OGDH: variants seen among roughly 807,000 people sequenced by gnomAD.
The protein encoded by OGDH is 2-oxoglutarate dehydrogenase complex component E1.
Under a neutral mutation model 116.6 loss-of-function variants are expected in OGDH, and 38 were observed. The ratio of observed to expected loss-of-function variants is 0.33; its 90% CI spans 0.25 to 0.43. The LOEUF (loss-of-function observed/expected upper bound fraction) is 0.43. OGDH is among the 20% of genes least tolerant of loss of function. The pLI, the probability that OGDH is intolerant of heterozygous loss-of-function variation, is 1.00. For missense variants in OGDH, 825 were observed against 1,357.2 expected, an observed-to-expected ratio of 0.61 and a Z score of 6.16; for synonymous variants, 488 against 533.3, an observed-to-expected ratio of 0.92 and a Z score of 1.17.
chr7:44,704,996 G>A (rs1222316429), intron 20 of OGDH, among the ~76,000 whole-genome samples: 1 of 146,378 alleles, frequency 6.8e-6, no homozygotes, highest in East Asian at 2.1e-4. Context: ...CAGGCGTGAG[G>A]CACTGCACCT....
chr7:44,620,476 A>C (rs762735775), intron 1 of OGDH, among the ~76,000 whole-genome samples: 1 of 152,262 alleles, frequency 6.6e-6, no homozygotes, highest in Non-Finnish European at 1.5e-5. Context: ...TTTGTCTCTT[A>C]CATTCAGGTC....
At chr7:44,642,715 A>G (rs922581011) in intron 2 of OGDH, among the ~76,000 whole-genome samples, 2 of 152,126 alleles carry the variant, frequency 1.3e-5, no homozygotes, top group African/African-American at 4.8e-5. Flanking sequence ...CAAGGTCAGG[A>G]GTTCGAGACC....
chr7:44,680,904 A>G (rs965938603), intron 9 of OGDH, among the ~76,000 whole-genome samples: 11 of 152,248 alleles, frequency 7.2e-5, no homozygotes, highest in South Asian at 6.2e-4. Flanking sequence ...CAGTGTGAGC[A>G]TTAAAATAAC....
At chr7:44,681,993 T>A in intron 10 of OGDH, 145 bp downstream of exon 10, 1 of 1,113,972 alleles carries the variant, frequency 9.0e-7, no homozygotes, top group South Asian at 1.6e-5. Context: ...ACGCCTGTAA[T>A]CGTAGCACTT....
chr7:44,651,879 T>G (rs887045977), intron 4 of OGDH, among the ~76,000 whole-genome samples: 3 of 151,108 alleles, frequency 2.0e-5, no homozygotes, highest in African/African-American at 7.3e-5. Flanking sequence ...TTTCTAAAAT[T>G]TAAGTAGAGA....
At chr7:44,678,414 G>A (rs1385696027) in intron 9 of OGDH, among the ~76,000 whole-genome samples, 1 of 152,106 alleles carries the variant, frequency 6.6e-6, no homozygotes, top group Non-Finnish European at 1.5e-5. Context: ...TCATAATGCT[G>A]GAAATTTCCC....
intron 2 of OGDH, among the ~76,000 whole-genome samples, chr7:44,636,200 C>T (rs1310512767): frequency 2.0e-5 from 3 of 152,224 alleles, no homozygotes; most frequent in Admixed American, 2.0e-4. Flanking sequence ...TGTGAGTGGG[C>T]ACTGGGGGGC....
rs770424407 is a variant in OGDH at position 44,666,828 on chromosome 7, C to T, written c.610C>T (p.Arg204Trp). 59 of 1,610,402 alleles carry T rather than the reference C, an allele frequency of 3.7e-5. No individual in the cohort carries two copies. The highest frequency in any genetic ancestry group is 2.7e-4 in the South Asian group (24 of 90,560). ...GGGACAGGAATCAGCACTTCCTCTG[C>T]GGGAGATCATCCGTCGGCTGGAGGT... ...IGGQESALPL[R>W]EIIRRLEMAY... The change falls in exon 5 of 23, where the codon CGG becomes TGG. Residue 204 changes from arginine (R) to tryptophan (W), a missense_variant. By Grantham distance (101) the Arg-to-Trp change is moderately radical. Transcript: ENST00000222673.
intron 1 of OGDH, among the ~76,000 whole-genome samples, chr7:44,612,521 C>A (rs1460297913): frequency 4.0e-5 from 6 of 151,648 alleles, no homozygotes; most frequent in African/African-American, 1.2e-4. Context: ...GTAGGTGGGA[C>A]TACAGGCATG....
intron 1 of OGDH, among the ~76,000 whole-genome samples, chr7:44,613,245 G>A (rs1455832914): frequency 1.3e-5 from 2 of 151,876 alleles, no homozygotes; most frequent in Non-Finnish European, 2.9e-5. Flanking sequence ...TTGTGATCTC[G>A]GCTCACTGCA....
At chr7:44,685,263 C>T (rs191056786) in intron 10 of OGDH, among the ~76,000 whole-genome samples, 12 of 152,242 alleles carry the variant, frequency 7.9e-5, no homozygotes, top group African/African-American at 2.6e-4. Context: ...ACATGAACTC[C>T]GAGTCCTTGC....
chr7:44,676,010 G>A lies in OGDH; in HGVS notation c.1067G>A (p.Arg356His), dbSNP rs369472621. ...AAGTACCACCTGGGCATGTATCACC[G>A]CAGGATCAATCGTGTCACCGACAGG... The part of the protein sequence containing the change: ...DVKYHLGMYH[R>H]RINRVTDRNI... The change falls in exon 9 of 23, where the codon CGC becomes CAC. Residue 356 changes from arginine (R) to histidine (H), a missense_variant. Arg to His is a conservative substitution (Grantham distance 29). Transcript: ENST00000222673. 3.2e-5 allele frequency: 52 copies of A among 1,614,074 alleles called. No homozygotes were observed. Among genetic ancestry groups the A allele is most frequent in the South Asian group, 4.4e-5 (4 of 91,082 alleles).
intron 4 of OGDH, among the ~76,000 whole-genome samples, chr7:44,663,786 A>C (rs1348747232): frequency 3.3e-5 from 5 of 152,122 alleles, no homozygotes; most frequent in Non-Finnish European, 5.9e-5. Flanking sequence ...AAAAAATTAC[A>C]AAAACTAGCT....
chr7:44,685,968 G>A (rs6975103), intron 10 of OGDH, among the ~76,000 whole-genome samples: 21,584 of 151,994 alleles, frequency 0.14, 3,368 homozygotes, highest in African/African-American at 0.37. Flanking sequence ...CAGAAGTGGA[G>A]TGGAATTGCT....
intron 2 of OGDH, among the ~76,000 whole-genome samples, chr7:44,633,758 G>A (rs1785547490): frequency 6.6e-6 from 1 of 152,274 alleles, no homozygotes; most frequent in East Asian, 1.9e-4. Context: ...AATTATTGAG[G>A]ACAGATGAGG....
intron 9 of OGDH, among the ~76,000 whole-genome samples, chr7:44,680,539 T>TACACACACACACACACAC (rs56718274): frequency 2.8e-4 from 41 of 145,952 alleles, no homozygotes; most frequent in African/African-American, 9.7e-4. Context: ...TTTTATTGCA[T>TACACACACACACACACAC]ACACACACAC....
chr7:44,629,969 G>T (rs1001735166), intron 2 of OGDH, among the ~76,000 whole-genome samples: 2 of 152,148 alleles, frequency 1.3e-5, no homozygotes, highest in Non-Finnish European at 2.9e-5. Context: ...AGGAGGGAGG[G>T]TCTCTATGCG....
At chr7:44,695,220 C>T (rs1263701226) in intron 12 of OGDH, among the ~76,000 whole-genome samples, 2 of 152,066 alleles carry the variant, frequency 1.3e-5, no homozygotes, top group African/African-American at 4.8e-5. Flanking sequence ...CTCAGCGTCC[C>T]AAGTACCTGG....
rs1788503608 is a variant in OGDH at position 44,694,687 on chromosome 7, G to T, written c.1668+111G>T. On this transcript the variant is annotated intron_variant, in intron 12 of 22. Transcript: ENST00000222673. The surrounding 1 kb of genome is among the most constrained non-coding windows in gnomAD (Gnocchi z 4.2). ...TTGCCAGTTATGAGGATACACGTGA[G>T]AGGATGTGAAATATTTACAACTACA... is the stretch of plus-strand genomic sequence containing the variant. 5 of 1,223,694 alleles carry T rather than the reference G, an allele frequency of 4.1e-6. No individual in the cohort carries two copies. The highest frequency in any genetic ancestry group is 5.8e-6 in the Non-Finnish European group (5 of 866,496). 75.8% of individuals were successfully genotyped at this position (1,223,694 alleles called of 1,614,324 possible).
Sources: gnomAD v4.1 joint callset for allele counts (sites outside exome capture counted in the v4.1 genomes callset) on GRCh38, gnomAD v4.1.1 for gene constraint, Gnocchi (gnomAD v3.1) non-coding constraint, MANE v1.5 for transcripts, NCBI Gene and HGNC (gene_info 2026-07-23, HGNC 2026-07-21) for gene names.